Variants in SGIP1 observed in about 807,000 individuals in gnomAD.
The protein encoded by SGIP1 is SH3-containing GRB2-like protein 3-interacting protein 1.
In SGIP1, 38 loss-of-function variants were observed where a neutral mutation model predicts 107.5. The ratio of observed to expected loss-of-function variants is 0.35; its 90% confidence interval spans 0.27 to 0.46. The LOEUF (loss-of-function observed/expected upper bound fraction) is 0.46. Ranked by LOEUF, SGIP1 falls within the 20% of genes least tolerant of loss-of-function variation. The pLI, the probability that SGIP1 is intolerant of heterozygous loss-of-function variation, is 1.00. For synonymous variants in SGIP1, 365 were observed against 366.1 expected, an observed-to-expected ratio of 1.00 and a Z score of 0.03; for missense variants, 929 against 1,019.5, an observed-to-expected ratio of 0.91 and a Z score of 1.21.
intron 7 of SGIP1, among the ~76,000 whole-genome samples, chr1:66,656,643 A>G (rs2079851697): frequency 6.6e-6 from 1 of 152,138 alleles, no homozygotes; most frequent in South Asian, 2.1e-4. Flanking sequence ...TTTATTACTG[A>G]TTATCTTTCT....
At position 66,746,457 on chromosome 1, in the gene SGIP1, A is replaced by G. The variant is rs1370348459; in HGVS notation, c.*3362A>G. On this transcript the variant is annotated 3_prime_UTR_variant, in exon 25 of 25. Coordinates refer to ENST00000371037, the MANE Select transcript of SGIP1 (RefSeq NM_032291.4). The stretch of plus-strand genomic sequence containing the variant: ...ATCTATCATGTGTCTTCCAACTCTG[A>G]AGTTCCACAGTTGTAATTTACTCAG... 6.6e-6 allele frequency: 1 copy of G among 152,144 alleles called. No homozygotes were observed. The highest frequency in any genetic ancestry group is 1.5e-5 in the Non-Finnish European group (1 of 67,978). 9.4% of individuals were successfully genotyped at this position (152,144 alleles called of 1,614,324 possible).
At chr1:66,603,624 T>C (rs1234231566) in intron 1 of SGIP1, among the ~76,000 whole-genome samples, 2 of 152,174 alleles carry the variant, frequency 1.3e-5, no homozygotes, top group Non-Finnish European at 2.9e-5. Context: ...GAGAGATGCT[T>C]GATTAAAAGC....
intron 13 of SGIP1, among the ~76,000 whole-genome samples, chr1:66,677,770 C>T (rs188518712): frequency 6.6e-6 from 1 of 152,290 alleles, no homozygotes; most frequent in Non-Finnish European, 1.5e-5. Context: ...ATTGAATTCC[C>T]TTTTCAGTAG....
chr1:66,679,440 T>C (rs1303131616), intron 13 of SGIP1, among the ~76,000 whole-genome samples: 1 of 152,208 alleles, frequency 6.6e-6, no homozygotes, highest in African/African-American at 2.4e-5. Context: ...AAAATGGTGA[T>C]ATTATTATTA....
At chr1:66,618,236 T>G (rs1235352166) in intron 1 of SGIP1, among the ~76,000 whole-genome samples, 3 of 152,246 alleles carry the variant, frequency 2.0e-5, no homozygotes, top group African/African-American at 7.2e-5. Context: ...TCCCTCACTC[T>G]GAGTCCCTGC....
chr1:66,721,995 T>C (rs2150472627), intron 19 of SGIP1, among the ~76,000 whole-genome samples: 1 of 152,230 alleles, frequency 6.6e-6, no homozygotes, highest in East Asian at 1.9e-4. Flanking sequence ...CCCTCCATGA[T>C]CTGCCCTTCG....
In SGIP1 at chr1:66,748,231, G is replaced by T. The variant is rs1018811649; in HGVS notation, c.*5136G>T. On this transcript the variant is annotated 3_prime_UTR_variant, in exon 25 of 25. Transcript: ENST00000371037. The stretch of plus-strand genomic sequence containing the variant: ...ATTAATGTTCCTTTTTGTCAGTGGA[G>T]TGTATGGAAGGAAAATGAGATAGGA... The T allele has an allele frequency of 2.6e-5, 4 of 151,898 alleles. No homozygotes were observed. The highest frequency in any genetic ancestry group is 5.9e-5 in the Non-Finnish European group (4 of 67,850). The allele number at this position is 151,898 out of a possible 1,614,324, so 9.4% of individuals were successfully genotyped here.
rs34687266 is a variant in SGIP1, at chr1:66,593,223, T to G, written c.11-32624T>G. On this transcript the variant is annotated intron_variant, in intron 1 of 24. Coordinates refer to ENST00000371037, the MANE Select transcript of SGIP1 (RefSeq NM_032291.4). ...AAGGACATCATGGTTGTTTCCAAGTTTGGGCAAATATAAATAAAGCTGCTA... is the reference window on the plus strand; with the variant it reads ...AAGGACATCATGGTTGTTTCCAAGTGTGGGCAAATATAAATAAAGCTGCTA... Among the ~76,000 whole-genome samples, 944 of 152,294 alleles carry G rather than the reference T, an allele frequency of 6.2e-3. 6 individuals are homozygous for G. The highest frequency in any genetic ancestry group is 0.033 in the South Asian group (158 of 4,820).
intron 8 of SGIP1, 21 bp downstream of exon 8, chr1:66,660,545 G>A (rs780013565): frequency 5.6e-6 from 9 of 1,601,314 alleles, no homozygotes; most frequent in African/African-American, 2.7e-5. Flanking sequence ...AGTCCTTCCC[G>A]CTTTTGGGGC....
intron 4 of SGIP1, among the ~76,000 whole-genome samples, chr1:66,638,127 A>G (rs899852425): frequency 7.2e-5 from 11 of 152,114 alleles, no homozygotes; most frequent in Non-Finnish European, 7.4e-5. Flanking sequence ...GAACTTGTTT[A>G]TTATACATAC....
At chr1:66,562,502 C>T (rs118190696) in intron 1 of SGIP1, among the ~76,000 whole-genome samples, 1 of 151,846 alleles carries the variant, frequency 6.6e-6, no homozygotes, top group Admixed American at 6.6e-5. Context: ...AGTGGAAGCA[C>T]GAAGCTGAGA....
chr1:66,572,820 TGAA>T (rs2060557230), intron 1 of SGIP1, among the ~76,000 whole-genome samples: 1 of 152,060 alleles, frequency 6.6e-6, no homozygotes, highest in Non-Finnish European at 1.5e-5. Flanking sequence ...CATCAACTAA[TGAA>T]GGACAACTAC....
intron 1 of SGIP1, among the ~76,000 whole-genome samples, chr1:66,543,780 C>A (rs1033328612): frequency 6.6e-6 from 1 of 152,198 alleles, no homozygotes; most frequent in African/African-American, 2.4e-5. Flanking sequence ...TTGGCCTCAG[C>A]TTCCCCATTT....
intron 1 of SGIP1, among the ~76,000 whole-genome samples, chr1:66,569,203 G>A (rs1000791343): frequency 1.4e-4 from 21 of 151,932 alleles, no homozygotes; most frequent in African/African-American, 9.7e-5. Context: ...TTTTCAATGT[G>A]TATCTCTTTT....
rs1028395483 is a variant in SGIP1, at chr1:66,729,436, A to G, written c.1898+17A>G. 1.2e-6 allele frequency: 2 copies of G among 1,613,942 alleles called. No individual in the cohort carries two copies. The highest frequency in any genetic ancestry group is 2.2e-5 in the South Asian group (2 of 91,040). On this transcript the variant is annotated intron_variant, in intron 20 of 24. Coordinates refer to ENST00000371037, the MANE Select transcript of SGIP1 (RefSeq NM_032291.4). ...TCTCTGCTGGTAAATATGATTTTGC[A>G]TAAATTTTTCAGAGATACATGTGGC...
At chr1:66,575,329 A>G (rs1257356801) in intron 1 of SGIP1, among the ~76,000 whole-genome samples, 2 of 152,130 alleles carry the variant, frequency 1.3e-5, no homozygotes, top group Admixed American at 6.5e-5. Context: ...GTGCATCTAC[A>G]AGACCCCATT....
chr1:66,563,901 T>C (rs978131221), intron 1 of SGIP1, among the ~76,000 whole-genome samples: 4 of 151,982 alleles, frequency 2.6e-5, no homozygotes. Context: ...CCCTTACTGT[T>C]AGGGGCAAAT....
chr1:66,554,935 A>G (rs534444035), intron 1 of SGIP1, among the ~76,000 whole-genome samples: 1 of 152,284 alleles, frequency 6.6e-6, no homozygotes, highest in African/African-American at 2.4e-5. Flanking sequence ...GTAACCTTAG[A>G]GATGCTCTAT....
chr1:66,709,328 A>G (rs1383091148), intron 18 of SGIP1, among the ~76,000 whole-genome samples: 1 of 152,054 alleles, frequency 6.6e-6, no homozygotes, highest in Non-Finnish European at 1.5e-5. Context: ...TAGCAAGGAT[A>G]ACTCACCCAG....
Sources: allele counts gnomAD v4.1 joint callset (sites outside exome capture counted in the v4.1 genomes callset), GRCh38; gene constraint gnomAD v4.1.1; transcripts MANE v1.5; gene names NCBI Gene and HGNC (gene_info 2026-07-23, HGNC 2026-07-21).